The following PTBP3 variants were observed in gnomAD, a reference collection of about 807,000 sequenced individuals.
The protein encoded by PTBP3 is polypyrimidine tract-binding protein 3.
PTBP3 carries 20 observed loss-of-function variants against 58.7 expected under a neutral mutation model. The ratio of observed to expected loss-of-function variants is 0.34; its 90% CI spans 0.24 to 0.50. The LOEUF is 0.50. Ranked by LOEUF, PTBP3 falls within the 20% of genes least tolerant of loss-of-function variation. The probability of loss-of-function intolerance (pLI) is 0.98; values close to 1 mark genes in which losing one functional copy is unlikely to be tolerated. For missense variants in PTBP3, 509 were observed against 637.2 expected, an observed-to-expected ratio of 0.80 and a Z score of 2.17; for synonymous variants, 185 against 219.8, an observed-to-expected ratio of 0.84 and a Z score of 1.40.
At chr9:112,249,035 A>C (rs1432643345) in intron 7 of PTBP3, among the ~76,000 whole-genome samples, 1 of 152,194 alleles carries the variant, frequency 6.6e-6, no homozygotes, top group Non-Finnish European at 1.5e-5. Context: ...CCATTTATGT[A>C]AGGTTCTAAA....
chr9:112,227,715 T>A, intron 11 of PTBP3, 88 bp from the exon 12 acceptor site: 1 of 1,034,562 alleles, frequency 9.7e-7, no homozygotes, highest in Non-Finnish European at 1.5e-6. Flanking sequence ...ATTATTTTTA[T>A]GTAGTTATTT....
At chr9:112,347,883 G>A in the PTBP3 span, among the ~76,000 whole-genome samples, 1 of 152,140 alleles carries the variant, frequency 6.6e-6, no homozygotes, top group Admixed American at 6.6e-5. Flanking sequence ...TTTCACAGGT[G>A]TTTACTATTC....
At chr9:112,287,738 T>G (rs900231008) in intron 2 of PTBP3, among the ~76,000 whole-genome samples, 1 of 152,246 alleles carries the variant, frequency 6.6e-6, no homozygotes, top group Non-Finnish European at 1.5e-5. Context: ...AATGCCATCA[T>G]GTATTTTTTT....
chr9:112,285,023 A>C lies in PTBP3; in HGVS notation c.35-9010T>G, dbSNP rs188123898. 5.8e-3 allele frequency among the ~76,000 whole-genome samples: 670 copies of C among 115,262 alleles called. 3 individuals are homozygous for C. The highest frequency in any genetic ancestry group is 0.022 in the African/African-American group (609 of 27,454). 75.6% of individuals were successfully genotyped at this position (115,262 alleles called of 152,430 possible). Reference sequence around the variant, plus strand: ...AGGCATGATTGGTTTTGAAATGGAAAAAGGATGTGAAATTTGGGAGGGGCC... The same window carrying C: ...AGGCATGATTGGTTTTGAAATGGAACAAGGATGTGAAATTTGGGAGGGGCC... On this transcript the variant is annotated intron_variant, in intron 2 of 13. Transcript: ENST00000374257.
intron 1 of PTBP3, among the ~76,000 whole-genome samples, chr9:112,321,444 G>A (rs1431701041): frequency 6.7e-6 from 1 of 150,336 alleles, no homozygotes; most frequent in African/African-American, 2.5e-5. Flanking sequence ...CAGGAGAATC[G>A]ATTGAACCTG....
At chr9:112,370,651 T>C in the PTBP3 span, among the ~76,000 whole-genome samples, 3 of 152,214 alleles carry the variant, frequency 2.0e-5, no homozygotes, top group Non-Finnish European at 4.4e-5. Context: ...AGGATTGGCT[T>C]TTCCATTTCT....
chr9:112,245,864 T>A (rs1185646035), intron 7 of PTBP3, among the ~76,000 whole-genome samples: 2 of 151,996 alleles, frequency 1.3e-5, no homozygotes. Flanking sequence ...CCCTGTAGAA[T>A]AAAATAAGAA....
chr9:112,330,328 G>T, intron 1 of PTBP3: 1 of 783,464 alleles, frequency 1.3e-6, no homozygotes, highest in Non-Finnish European at 2.0e-6. Flanking sequence ...TTGGAGCTAA[G>T]TAAAAATTAA....
the PTBP3 span, among the ~76,000 whole-genome samples, chr9:112,357,058 T>A: frequency 6.6e-6 from 1 of 152,000 alleles, no homozygotes; most frequent in Non-Finnish European, 1.5e-5. Context: ...TTTTTTGTAT[T>A]TTTAGTAGAG....
the PTBP3 span, among the ~76,000 whole-genome samples, chr9:112,341,144 T>A: frequency 6.6e-6 from 1 of 152,152 alleles, no homozygotes; most frequent in Non-Finnish European, 1.5e-5. Context: ...TTTGTTTTGT[T>A]TGTTGAGTCA....
In PTBP3 at chr9:112,222,396, C is replaced by A; in HGVS notation, c.*1455G>T. ...TACGTGGGTACTCAGTAATGAAAGT[C>A]ACATTAACAAAGAAAAGCAAGTTCT... On this transcript the variant is annotated 3_prime_UTR_variant, in exon 14 of 14. Coordinates refer to ENST00000374257, the MANE Select transcript of PTBP3 (RefSeq NM_001163788.4). The A allele has an allele frequency of 5.1e-6, 5 of 985,608 alleles. No homozygotes were observed. Among genetic ancestry groups the A allele is most frequent in the Non-Finnish European group, 6.0e-6 (5 of 829,900 alleles). 61.1% of individuals were successfully genotyped at this position (985,608 alleles called of 1,614,324 possible). A position where few individuals can be genotyped will look rare whatever the true frequency, so the allele number is the denominator to read the frequency against.
At chr9:112,320,148 G>A (rs1046696553) in intron 1 of PTBP3, among the ~76,000 whole-genome samples, 1 of 151,444 alleles carries the variant, frequency 6.6e-6, no homozygotes, top group East Asian at 1.9e-4. Flanking sequence ...ATGGTGGCAT[G>A]CACCCTATAG....
At chr9:112,274,465 A>T (rs767346780) in intron 3 of PTBP3, among the ~76,000 whole-genome samples, 17 of 152,212 alleles carry the variant, frequency 1.1e-4, no homozygotes, top group Non-Finnish European at 2.5e-4. Context: ...ACAGCCAAAA[A>T]CTTGCAAAGA....
At chr9:112,355,748 T>C in the PTBP3 span, among the ~76,000 whole-genome samples, 6 of 150,714 alleles carry the variant, frequency 4.0e-5, no homozygotes, top group Non-Finnish European at 5.9e-5. Context: ...GCCTCCTGAG[T>C]AGTTGTGATT....
At chr9:112,228,186 G>A (rs999913229) in intron 11 of PTBP3, among the ~76,000 whole-genome samples, 194 bp downstream of exon 11, 1 of 152,128 alleles carries the variant, frequency 6.6e-6, no homozygotes, top group African/African-American at 2.4e-5. Flanking sequence ...GTAGACAAAT[G>A]AACTTCAGAC....
At chr9:112,340,831 G>C in the PTBP3 span, among the ~76,000 whole-genome samples, 825 of 151,000 alleles carry the variant, frequency 5.5e-3, 14 homozygotes, top group African/African-American at 0.019. Flanking sequence ...AGCCGAGATC[G>C]CGCCATTGCA....
intron 7 of PTBP3, among the ~76,000 whole-genome samples, chr9:112,250,330 T>C (rs1456461480): frequency 6.6e-6 from 1 of 152,124 alleles, no homozygotes; most frequent in Non-Finnish European, 1.5e-5. Context: ...GGGCCATCCA[T>C]TGCTTTTTCC....
the PTBP3 span, among the ~76,000 whole-genome samples, chr9:112,356,874 C>CTTTTTTT: frequency 9.8e-5 from 9 of 91,524 alleles, 1 homozygote; most frequent in South Asian, 4.4e-4. Flanking sequence ...TCATTTCCCT[C>CTTTTTTT]TTTTTTTTTT....
rs745663058 is a variant in PTBP3, at chr9:112,248,010, A to T, written c.802+2919T>A. 3.3e-5 allele frequency among the ~76,000 whole-genome samples: 5 copies of T among 152,330 alleles called. No individual in the cohort carries two copies. In the South Asian group the frequency reaches 8.3e-4, roughly 25 times the overall value. ...ATGGCATGATATTAACAATAGGGCA[A>T]TCTGAATAACAGATACCCAGAAGTT... On this transcript the variant is annotated intron_variant, in intron 7 of 13. Transcript: ENST00000374257.
Sources: allele counts gnomAD v4.1 joint callset (sites outside exome capture counted in the v4.1 genomes callset), GRCh38; gene constraint gnomAD v4.1.1; transcripts MANE v1.5; gene names NCBI Gene and HGNC (gene_info 2026-07-23, HGNC 2026-07-21).